Variants in INPP4B observed in about 807,000 individuals in gnomAD.
INPP4B encodes inositol polyphosphate-4-phosphatase type II B, also known as inositol polyphosphate 4-phosphatase type II.
In INPP4B, 55 loss-of-function variants were observed where a neutral mutation model predicts 122.5. The observed-to-expected ratio is 0.45, with a 90% CI of 0.36 to 0.56. The LOEUF (loss-of-function observed/expected upper bound fraction) is 0.56, where lower values mean the gene tolerates loss of function less well. Among genes scored for constraint, INPP4B ranks in the 20% least tolerant of loss-of-function variants. The pLI is 0.00. For missense variants in INPP4B, 1,000 were observed against 1,097.7 expected (o/e 0.91, Z 1.26); for synonymous variants, 403 against 388.7 (o/e 1.04, Z -0.43).
At chr4:142,460,401 A>G (rs550186257) in intron 3 of INPP4B, among the ~76,000 whole-genome samples, 2 of 152,252 alleles carry the variant, frequency 1.3e-5, no homozygotes, top group African/African-American at 4.8e-5. Context: ...GTAAAGTTCA[A>G]TTTGGTGTCA....
At chr4:142,635,625 A>C (rs1748972641) in intron 2 of INPP4B, among the ~76,000 whole-genome samples, 1 of 152,194 alleles carries the variant, frequency 6.6e-6, no homozygotes, top group Non-Finnish European at 1.5e-5. Flanking sequence ...CAAATACTGC[A>C]TGTTCTCACT....
intron 12 of INPP4B, among the ~76,000 whole-genome samples, chr4:142,221,607 T>G (rs1457126670): frequency 7.6e-6 from 1 of 131,866 alleles, no homozygotes; most frequent in Admixed American, 7.2e-5. Flanking sequence ...AGAAAGGAGG[T>G]TTTTTTTTTA....
intron 1 of INPP4B, among the ~76,000 whole-genome samples, chr4:142,781,904 T>C (rs1187145046): frequency 6.6e-6 from 1 of 152,122 alleles, no homozygotes; most frequent in Non-Finnish European, 1.5e-5. Context: ...ATTGCTTTAC[T>C]TACTGGTCAC....
rs184275292 is a variant in INPP4B, at chr4:142,724,170, C to T, written c.-191+1669G>A. Among the ~76,000 whole-genome samples, 28 of 152,288 alleles carry T rather than the reference C, an allele frequency of 1.8e-4. No homozygotes were observed. The East Asian group carries it at 5.4e-3, about 29-fold the overall frequency. On this transcript the variant is annotated intron_variant, in intron 2 of 25. Transcript: ENST00000262992. ...CCCATGAATGGGAATTACTTTCCCT[C>T]ACCCTAAGTCTTCCTTTGTTACCTT...
intron 2 of INPP4B, among the ~76,000 whole-genome samples, chr4:142,509,971 A>C (rs887716774): frequency 6.6e-6 from 1 of 152,216 alleles, no homozygotes; most frequent in Non-Finnish European, 1.5e-5. Flanking sequence ...ATGAGGAAAT[A>C]AATGGCATCT....
intron 11 of INPP4B, among the ~76,000 whole-genome samples, chr4:142,255,976 T>G (rs190600489): frequency 5.5e-5 from 8 of 146,090 alleles, no homozygotes; most frequent in African/African-American, 2.0e-4. Flanking sequence ...TCAGCAAATG[T>G]AAAGTAACAG....
chr4:142,200,553 T>C (rs546799462), intron 14 of INPP4B, among the ~76,000 whole-genome samples: 7 of 152,030 alleles, frequency 4.6e-5, no homozygotes, highest in African/African-American at 1.7e-4. Flanking sequence ...GCCTCTATTC[T>C]TTATTTTTCA....
Position 142,384,770 on chromosome 4 carries a change from C to T in INPP4B, c.372+18168G>A, listed in dbSNP as rs144058467. On this transcript the variant is annotated intron_variant, in intron 7 of 25. Coordinates refer to ENST00000262992, the MANE Select transcript of INPP4B (RefSeq NM_001101669.3). ...TCATGGGGGTTTGTTGTGCAGATTACTTTGTCACCCAGGTATTAAGCCTAG... is the reference window on the plus strand; with the variant it reads ...TCATGGGGGTTTGTTGTGCAGATTATTTTGTCACCCAGGTATTAAGCCTAG... Among the ~76,000 whole-genome samples, 1,088 of 152,154 alleles carry T rather than the reference C, an allele frequency of 7.2e-3. 12 individuals are homozygous for T. Among genetic ancestry groups the T allele is most frequent in the African/African-American group, 0.025 (1,038 of 41,510 alleles).
chr4:142,651,731 A>C (rs541246984), intron 2 of INPP4B, among the ~76,000 whole-genome samples: 2 of 152,322 alleles, frequency 1.3e-5, no homozygotes, highest in East Asian at 1.9e-4. Flanking sequence ...AATAATTAAC[A>C]GCCTACCAAC....
At chr4:142,256,925 T>A (rs565139820) in intron 11 of INPP4B, among the ~76,000 whole-genome samples, 35 of 152,220 alleles carry the variant, frequency 2.3e-4, no homozygotes, top group Admixed American at 4.6e-4. Context: ...TAGACCAATA[T>A]CTCTGATGAA....
intron 2 of INPP4B, among the ~76,000 whole-genome samples, chr4:142,643,513 G>A (rs1751009661): frequency 6.6e-6 from 1 of 152,200 alleles, no homozygotes; most frequent in African/African-American, 2.4e-5. Context: ...TTGACCTGAT[G>A]ATGGTTGCAG....
intron 23 of INPP4B, among the ~76,000 whole-genome samples, chr4:142,103,995 CT>C (rs997393361): frequency 1.4e-4 from 22 of 151,992 alleles, no homozygotes; most frequent in African/African-American, 4.6e-4. Context: ...AAAAAAAGCC[CT>C]GTTTTTCTTT....
chr4:142,255,760 C>A (rs544440660), intron 11 of INPP4B, among the ~76,000 whole-genome samples: 3 of 152,086 alleles, frequency 2.0e-5, no homozygotes, highest in Admixed American at 2.0e-4. Flanking sequence ...TAATGGGAGA[C>A]TTTAACTCCC....
At chr4:142,818,023 A>G (rs1780331091) in intron 1 of INPP4B, among the ~76,000 whole-genome samples, 1 of 151,990 alleles carries the variant, frequency 6.6e-6, no homozygotes, top group Admixed American at 6.5e-5. Context: ...TGAGAGGAAG[A>G]AAACATTTAA....
chr4:142,651,815 CCTT>C (rs1663162041), intron 2 of INPP4B, among the ~76,000 whole-genome samples: 1 of 152,202 alleles, frequency 6.6e-6, no homozygotes. Context: ...TGGTACCATT[CCTT>C]CTGTAACTAT....
chr4:142,076,939 A>ATATTATATCCT (rs1771091313), intron 25 of INPP4B, among the ~76,000 whole-genome samples: 1 of 152,042 alleles, frequency 6.6e-6, no homozygotes, highest in Non-Finnish European at 1.5e-5. Flanking sequence ...TTTTTATTTC[A>ATATTATATCCT]ACAATAATTG....
rs746172492 is a variant in INPP4B at position 142,533,808 on chromosome 4, G to A, written c.-190-71082C>T. On this transcript the variant is annotated intron_variant, in intron 2 of 25. Coordinates refer to ENST00000262992, the MANE Select transcript of INPP4B (RefSeq NM_001101669.3). ...CCCAAATCCAAAATCCCACATCTGT[G>A]TCTTTGAATATACAGTTAGGACAAC... Among the ~76,000 whole-genome samples, 81 of 152,286 alleles carry A rather than the reference G, an allele frequency of 5.3e-4. No individual in the cohort carries two copies. In the Middle Eastern group the frequency reaches 0.01, roughly 19 times the overall value.
rs1465373219 is a variant in INPP4B at position 142,431,207 on chromosome 4, G to C, written c.53C>G (p.Thr18Arg). The C allele has an allele frequency of 6.2e-7, 1 of 1,613,364 alleles. No homozygotes were observed. The highest frequency in any genetic ancestry group is 2.2e-5 in the East Asian group (1 of 44,854). The change falls in exon 4 of 26, where the codon ACA becomes AGA. Residue 18 changes from threonine (T) to arginine (R), a missense_variant. Coordinates refer to ENST00000262992, the MANE Select transcript of INPP4B (RefSeq NM_001101669.3). ...ASEEGQHFLP[T>R]AQANDPGDCQ... ...GTCCCCGGGATCATTGGCCTGGGCT[G>C]TAGGAAGAAAGTGCTGCCCTTCTTC...
chr4:142,045,970 C>T (rs1751146280), intron 25 of INPP4B, among the ~76,000 whole-genome samples: 1 of 151,862 alleles, frequency 6.6e-6, no homozygotes, highest in Admixed American at 6.6e-5. Context: ...GCGGTGAGGA[C>T]TTTTTTTCAA....
Sources: gnomAD v4.1 joint callset for allele counts (sites outside exome capture counted in the v4.1 genomes callset) on GRCh38, gnomAD v4.1.1 for gene constraint, MANE v1.5 for transcripts, NCBI Gene and HGNC (gene_info 2026-07-23, HGNC 2026-07-21) for gene names.